Variants in PTPRQ observed in about 807,000 individuals in gnomAD.
The protein encoded by PTPRQ is phosphatidylinositol phosphatase PTPRQ.
PTPRQ carries 199 observed loss-of-function variants against 246.0 expected under a neutral mutation model. The observed-to-expected ratio is 0.81, with a 90% CI of 0.72 to 0.91. PTPRQ has a LOEUF of 0.91. Among genes scored for constraint, PTPRQ ranks in the 40% least tolerant of loss-of-function variants. The probability of loss-of-function intolerance (pLI) is 0.00; values close to 1 mark genes in which losing one functional copy is unlikely to be tolerated. For synonymous variants in PTPRQ, 869 were observed against 853.2 expected, an observed-to-expected ratio of 1.02 and a Z score of -0.32; for missense variants, 2,624 against 2,528.4, an observed-to-expected ratio of 1.04 and a Z score of -0.81.
rs12316867 is a variant in PTPRQ, at chr12:80,539,783, C to T, written c.2993C>T (p.Thr998Ile). 4.8e-4 allele frequency: 742 copies of T among 1,533,056 alleles called. 3 individuals are homozygous for T. In the African/African-American group the frequency reaches 7.3e-3, roughly 15 times the overall value. The allele number at this position is 1,533,056 out of a possible 1,614,324, so 95.0% of individuals were successfully genotyped here. Residue 998 changes from threonine (T) to isoleucine (I), a missense_variant, in exon 20 of 45, where the codon ACA (threonine) becomes ATA (isoleucine). Coordinates refer to ENST00000644991, the MANE Select transcript of PTPRQ (RefSeq NM_001145026.2). ...NTSGTFMQNF[T>I]LHEVTNDFDN... ...AATGTGTTTATTTTTCAGAATTTTA[C>T]ACTCCATGAAGTAACCAATGACTTT... is the stretch of plus-strand genomic sequence containing the variant.
intron 3 of PTPRQ, among the ~76,000 whole-genome samples, chr12:80,450,449 T>C (rs1030898798): frequency 4.4e-4 from 67 of 152,350 alleles, no homozygotes; most frequent in Non-Finnish European, 8.1e-4. Context: ...CATCCCTGTC[T>C]TGTGCCAGTT....
intron 24 of PTPRQ, among the ~76,000 whole-genome samples, chr12:80,548,036 A>C (rs1896360527): frequency 6.6e-6 from 1 of 152,214 alleles, no homozygotes; most frequent in South Asian, 2.1e-4. Flanking sequence ...GTGATAGAAT[A>C]TAAAAATGTT....
chr12:80,631,843 C>T (rs892231278), intron 33 of PTPRQ, among the ~76,000 whole-genome samples: 1 of 152,108 alleles, frequency 6.6e-6, no homozygotes, highest in African/African-American at 2.4e-5. Flanking sequence ...ATCAATTTAA[C>T]ATTTTAAGTA....
chr12:80,519,296 A>G (rs1895399611), intron 17 of PTPRQ, among the ~76,000 whole-genome samples: 1 of 152,140 alleles, frequency 6.6e-6, no homozygotes, highest in Admixed American at 6.6e-5. Flanking sequence ...CTTCTCATCA[A>G]GTTTTTGAAA....
chr12:80,608,561 T>TACTTATAAATTATAAATTTATA (rs1472314527), intron 27 of PTPRQ, among the ~76,000 whole-genome samples: 1 of 148,386 alleles, frequency 6.7e-6, no homozygotes, highest in Non-Finnish European at 1.5e-5. Context: ...TTATAAATTA[T>TACTTATAAATTATAAATTTATA]ACTTATAAAT....
chr12:80,472,932 T>C (rs987773724), intron 8 of PTPRQ, among the ~76,000 whole-genome samples: 1 of 152,094 alleles, frequency 6.6e-6, no homozygotes, highest in Non-Finnish European at 1.5e-5. Context: ...CAGTAAATTC[T>C]TATAACACAT....
rs530347230 is a variant in PTPRQ, at chr12:80,609,845, G to C, written c.4732-594G>C. Reference sequence around the variant, plus strand: ...AAAATGTGTTACAGTCATAAGATACGTATATATTTTATATCTATCAGTCTT... The same window carrying C: ...AAAATGTGTTACAGTCATAAGATACCTATATATTTTATATCTATCAGTCTT... On this transcript the variant is annotated intron_variant, in intron 27 of 44. Coordinates refer to ENST00000644991, the MANE Select transcript of PTPRQ (RefSeq NM_001145026.2). 2.2e-4 allele frequency among the ~76,000 whole-genome samples: 33 copies of C among 150,638 alleles called. 1 individual carries two copies. Among genetic ancestry groups the C allele is most frequent in the Middle Eastern group, 3.4e-3 (1 of 294 alleles).
At chr12:80,449,720 G>A (rs1228672675) in intron 3 of PTPRQ, among the ~76,000 whole-genome samples, 1 of 152,056 alleles carries the variant, frequency 6.6e-6, no homozygotes, top group East Asian at 1.9e-4. Context: ...GCTCTGTTCT[G>A]TTCCATTGAT....
intron 17 of PTPRQ, among the ~76,000 whole-genome samples, chr12:80,524,825 A>T (rs1188029272): frequency 1.3e-5 from 2 of 152,310 alleles, no homozygotes; most frequent in Middle Eastern, 3.4e-3. Context: ...GGATGACAGA[A>T]TAAGAATTCA....
At chr12:80,669,216 A>G (rs1900887191) in intron 40 of PTPRQ, 75 bp downstream of exon 40, 1 of 1,529,910 alleles carries the variant, frequency 6.5e-7, no homozygotes, top group African/African-American at 1.4e-5. Context: ...TTCATCTAAT[A>G]CTGTGAGTCA....
At chr12:80,635,116 G>C in intron 35 of PTPRQ, 43 bp downstream of exon 35, 1 of 1,544,968 alleles carries the variant, frequency 6.5e-7, no homozygotes, top group Non-Finnish European at 8.7e-7. Context: ...AGAGGGCCTG[G>C]AGCCATGACC....
At chr12:80,576,143 T>G (rs1294473179) in intron 25 of PTPRQ, among the ~76,000 whole-genome samples, 1 of 151,126 alleles carries the variant, frequency 6.6e-6, no homozygotes, top group Admixed American at 6.6e-5. Context: ...CAGCCACAGG[T>G]TTTTTTTTCT....
rs368957184 is a variant in PTPRQ at position 80,572,942 on chromosome 12, A to G, written c.4286-15187A>G. Reference sequence around the variant, plus strand: ...AGATTGTTGTATTTTTGTTCAGGATAGGTATTGGTCTATAATTTTCTTTTA... The same window carrying G: ...AGATTGTTGTATTTTTGTTCAGGATGGGTATTGGTCTATAATTTTCTTTTA... On this transcript the variant is annotated intron_variant, in intron 25 of 44. Coordinates refer to ENST00000644991, the MANE Select transcript of PTPRQ (RefSeq NM_001145026.2). 1.9e-4 allele frequency among the ~76,000 whole-genome samples: 29 copies of G among 152,260 alleles called. No homozygotes were observed. The East Asian group carries it at 2.5e-3, about 13-fold the overall frequency.
chr12:80,569,517 T>C (rs1897081402), intron 25 of PTPRQ, among the ~76,000 whole-genome samples: 1 of 151,450 alleles, frequency 6.6e-6, no homozygotes. Context: ...TGTGCACATG[T>C]ACCCTAAAAC....
rs183463253 is a variant in PTPRQ, at chr12:80,679,206, T to C, written c.*183T>C. The C allele has an allele frequency of 1.7e-4, 102 of 595,452 alleles. No homozygotes were observed. The African/African-American group carries it at 1.9e-3, about 11-fold the overall frequency. 36.9% of individuals were successfully genotyped at this position (595,452 alleles called of 1,614,324 possible). On this transcript the variant is annotated 3_prime_UTR_variant, in exon 45 of 45. Transcript: ENST00000644991. ...CTTGAAAATAGCTAATACAGAATAA[T>C]TATTTGTTTTGTACAGAATAAATAT...
chr12:80,667,266 T>C (rs12320452), intron 39 of PTPRQ, among the ~76,000 whole-genome samples: 70,574 of 151,676 alleles, frequency 0.47, 17,732 homozygotes, highest in African/African-American at 0.67. Flanking sequence ...GCCTCACTTC[T>C]TTCCTTCTTC....
chr12:80,556,763 T>C (rs1318628113), intron 25 of PTPRQ, among the ~76,000 whole-genome samples: 2 of 152,052 alleles, frequency 1.3e-5, no homozygotes, highest in Admixed American at 1.3e-4. Context: ...ATAGTGAGAA[T>C]AGTAGTTAGA....
intron 39 of PTPRQ, among the ~76,000 whole-genome samples, chr12:80,667,377 C>T (rs1462976210): frequency 4.6e-5 from 7 of 151,838 alleles, no homozygotes; most frequent in Admixed American, 1.3e-4. Flanking sequence ...AAATAAATAC[C>T]GCATATTCTC....
chr12:80,584,587 G>T (rs1201809656), intron 25 of PTPRQ, among the ~76,000 whole-genome samples: 2 of 152,080 alleles, frequency 1.3e-5, no homozygotes, highest in Admixed American at 1.3e-4. Flanking sequence ...AAGCTATTGT[G>T]CAGTCTTGCT....
Sources: gnomAD v4.1 joint callset for allele counts (sites outside exome capture counted in the v4.1 genomes callset) on GRCh38, gnomAD v4.1.1 for gene constraint, MANE v1.5 for transcripts, NCBI Gene and HGNC (gene_info 2026-07-23, HGNC 2026-07-21) for gene names.